The following CCNB2 variants were observed in gnomAD, a reference collection of about 807,000 sequenced individuals.
CCNB2 encodes cyclin B2.
Under a neutral mutation model 51.1 loss-of-function variants are expected in CCNB2, and 39 were observed. That is an observed-to-expected ratio of 0.76 (90% CI 0.59 to 1.00). CCNB2 has a LOEUF of 1.00. CCNB2 is among the 50% of genes least tolerant of loss of function. The probability of loss-of-function intolerance (pLI) is 0.00; values close to 1 mark genes in which losing one functional copy is unlikely to be tolerated. For synonymous variants in CCNB2, 174 were observed against 165.5 expected, an observed-to-expected ratio of 1.05 and a Z score of -0.40; for missense variants, 472 against 470.3, an observed-to-expected ratio of 1.00 and a Z score of -0.03.
chr15:59,106,165 A>T (rs754634717), intron 1 of CCNB2, among the ~76,000 whole-genome samples: 1 of 152,214 alleles, frequency 6.6e-6, no homozygotes, highest in Non-Finnish European at 1.5e-5. Flanking sequence ...AAATTGAGTC[A>T]CATTACCAGG....
chr15:59,114,401 TG>T, intron 3 of CCNB2, 42 bp from the exon 4 acceptor site: 1 of 1,472,254 alleles, frequency 6.8e-7, no homozygotes, highest in Non-Finnish European at 9.2e-7. Context: ...CATGTATTTA[TG>T]GTTAAGGCTG....
At chr15:59,123,223 T>A (rs1392254845) in intron 7 of CCNB2, among the ~76,000 whole-genome samples, 1 of 152,158 alleles carries the variant, frequency 6.6e-6, no homozygotes, top group African/African-American at 2.4e-5. Flanking sequence ...CCTTTCAGTG[T>A]TGTTACTTGA....
rs1168701009 is a variant in CCNB2 at position 59,116,722 on chromosome 15, AG to A, written c.631del (p.Val211LeufsTer42). On this transcript the variant is annotated frameshift_variant, in exon 6 of 9. Coordinates refer to ENST00000288207, the MANE Select transcript of CCNB2 (RefSeq NM_004701.4). LOFTEE classifies it high-confidence loss of function. ...CAGTTTCCCGGAAGAAGCTTCAATT[AG>A]TTGGGATTACTGCTCTGCTCTTGGC... Reference protein sequence around the residue: ...QPVSRKKLQLVGITALLLASK... With the variant: ...QPVSRKKLQLXGITALLLASK... The A allele has an allele frequency of 6.2e-7, 1 of 1,612,320 alleles. No individual in the cohort carries two copies. The highest frequency in any genetic ancestry group is 8.5e-7 in the Non-Finnish European group (1 of 1,179,772).
At chr15:59,120,009 A>G (rs1228113459) in intron 7 of CCNB2, among the ~76,000 whole-genome samples, 2 of 152,162 alleles carry the variant, frequency 1.3e-5, no homozygotes, top group Non-Finnish European at 1.5e-5. Flanking sequence ...TGCCTGGCCT[A>G]AGAGAGAAAA....
intron 3 of CCNB2, among the ~76,000 whole-genome samples, chr15:59,108,917 C>T (rs1172545952): frequency 2.0e-5 from 3 of 152,208 alleles, no homozygotes; most frequent in East Asian, 1.9e-4. Context: ...GTTTCTATAA[C>T]AGTGACCTCC....
At chr15:59,122,003 A>C (rs1374703423) in intron 7 of CCNB2, among the ~76,000 whole-genome samples, 1 of 145,110 alleles carries the variant, frequency 6.9e-6, no homozygotes, top group African/African-American at 2.6e-5. Context: ...CTATAGTTTC[A>C]GCTACTAGGG....
In CCNB2 at chr15:59,105,387, AC is replaced by A. The variant is rs1283453564; in HGVS notation, c.24+97del. On this transcript the variant is annotated intron_variant, in intron 1 of 8. Coordinates refer to ENST00000288207, the MANE Select transcript of CCNB2 (RefSeq NM_004701.4). ...ATCTGCTCCGAGCTTCTCCGTCCCAACCGGGGCTGCTTTTCTCTTCTCCGGA... is the reference window on the plus strand; with the variant it reads ...ATCTGCTCCGAGCTTCTCCGTCCCAACGGGGCTGCTTTTCTCTTCTCCGGA... 5.2e-5 allele frequency: 71 copies of A among 1,368,396 alleles called. No individual in the cohort carries two copies. The South Asian group carries it at 5.8e-4, about 11-fold the overall frequency. 84.8% of individuals were successfully genotyped at this position (1,368,396 alleles called of 1,614,324 possible).
chr15:59,114,080 C>G lies in CCNB2; in HGVS notation c.268-364C>G, dbSNP rs532695783. On this transcript the variant is annotated intron_variant, in intron 3 of 8. Transcript: ENST00000288207. ...GTAAAACTTGAAGTAAGGGAATTAC[C>G]CATATGGACATAGGGGCAAGAGCAT... Among the ~76,000 whole-genome samples, 77 of 152,176 alleles carry G rather than the reference C, an allele frequency of 5.1e-4. 1 individual carries two copies. Among genetic ancestry groups the G allele is most frequent in the African/African-American group, 1.8e-3 (74 of 41,518 alleles).
Position 59,116,863 on chromosome 15 carries a change from G to T in CCNB2, c.771G>T (p.Leu257Phe). 1 of 1,614,156 alleles carries T rather than the reference G, an allele frequency of 6.2e-7. No individual in the cohort carries two copies. Among genetic ancestry groups the T allele is most frequent in the Non-Finnish European group, 8.5e-7 (1 of 1,180,012 alleles). The part of the protein sequence containing the change: ...REMETLILKE[L>F]KFELGRPLPL... The stretch of plus-strand genomic sequence containing the variant: ...TGGAAACTCTAATTTTGAAAGAATT[G>T]AAATTTGAGTTGGGTCGACCCTTGC... The change falls in exon 6 of 9, where the codon TTG becomes TTT. Residue 257 changes from leucine (L) to phenylalanine (F), a missense_variant. Transcript: ENST00000288207.
intron 1 of CCNB2, 36 bp downstream of exon 1, chr15:59,105,328 C>A: frequency 6.5e-7 from 1 of 1,543,536 alleles, no homozygotes; most frequent in Non-Finnish European, 8.7e-7. Context: ...AGAGGCGAGT[C>A]CGTCGGCCCC....
Position 59,123,581 on chromosome 15 carries a change from T to C in CCNB2, c.1040T>C (p.Met347Thr). 6.2e-7 allele frequency: 1 copy of C among 1,612,440 alleles called. No homozygotes were observed. The highest frequency in any genetic ancestry group is 1.1e-5 in the South Asian group (1 of 91,052). ...GAAGTATTGGAAGTCATGCAGCACA[T>C]GGCCAAGAATGTGGTGAAAGTAAAT... ...ENEVLEVMQH[M>T]AKNVVKVNEN... is the part of the protein sequence containing the mutation. Residue 347 changes from methionine (M) to threonine (T), a missense_variant, in exon 8 of 9, where the codon ATG becomes ACG. By Grantham distance (81) the Met-to-Thr change is moderately conservative. Transcript: ENST00000288207.
intron 5 of CCNB2, chr15:59,115,494 A>G (rs1489787328): frequency 5.3e-5 from 8 of 152,214 alleles, no homozygotes; most frequent in Non-Finnish European, 1.0e-4. Flanking sequence ...ACCTGTTAGA[A>G]GAGACAGCAG....
chr15:59,118,027 T>A (rs1384093802), intron 7 of CCNB2, among the ~76,000 whole-genome samples: 2 of 152,000 alleles, frequency 1.3e-5, no homozygotes, highest in Non-Finnish European at 2.9e-5. Flanking sequence ...CAGTATAGAG[T>A]TGTACAGAAT....
At chr15:59,107,110 C>T (rs752404304) in intron 1 of CCNB2, among the ~76,000 whole-genome samples, 4 of 152,094 alleles carry the variant, frequency 2.6e-5, no homozygotes, top group African/African-American at 7.2e-5. Flanking sequence ...ATCTTTATTA[C>T]GGATAAAGTA....
At chr15:59,121,247 G>T (rs1352017274) in intron 7 of CCNB2, 1 of 152,124 alleles carries the variant, frequency 6.6e-6, no homozygotes, top group African/African-American at 2.4e-5. Context: ...GTTCATGATT[G>T]ATCAGTCTAC....
At chr15:59,122,582 C>T (rs780649340) in intron 7 of CCNB2, among the ~76,000 whole-genome samples, 2 of 149,086 alleles carry the variant, frequency 1.3e-5, no homozygotes, top group Non-Finnish European at 3.0e-5. Context: ...CTGTGTTGCC[C>T]AGGCTGGAGT....
Position 59,124,853 on chromosome 15 carries a change from C to T in CCNB2, c.1173C>T (p.Ala391=). The T allele has an allele frequency of 6.2e-7, 1 of 1,600,214 alleles. No individual in the cohort carries two copies. The change falls in exon 9 of 9, where the codon GCC becomes GCT. Residue 391 remains alanine (A), a synonymous_variant. Coordinates refer to ENST00000288207, the MANE Select transcript of CCNB2 (RefSeq NM_004701.4). ...QLNSKAVKDL[A]SPLIGRS is the part of the protein sequence containing the mutation. Reference sequence around the variant, plus strand: ...ACTCAAAAGCCGTCAAAGACCTTGCCTCCCCACTGATAGGAAGGTCCTAGG... The same window carrying T: ...ACTCAAAAGCCGTCAAAGACCTTGCTTCCCCACTGATAGGAAGGTCCTAGG...
Position 59,107,370 on chromosome 15 carries a change from A to G in CCNB2, c.73A>G (p.Lys25Glu). The change falls in exon 2 of 9, where the codon AAG (lysine) becomes GAG (glutamate). Residue 25 changes from lysine (K) to glutamate (E), a missense_variant. Transcript: ENST00000288207. ...TGACACAGGAGTTAATTCTAAAGTT[A>G]AGAGTCATGTGACTATTAGGCGAAC... ...NIDTGVNSKVKSHVTIRRTVL... is the reference protein window; with the variant it reads ...NIDTGVNSKVESHVTIRRTVL... 6.2e-7 allele frequency: 1 copy of G among 1,613,256 alleles called. No homozygotes were observed. Among genetic ancestry groups the G allele is most frequent in the Non-Finnish European group, 8.5e-7 (1 of 1,179,664 alleles).
intron 1 of CCNB2, among the ~76,000 whole-genome samples, chr15:59,105,699 TGGC>T (rs2079233043): frequency 6.6e-6 from 1 of 152,210 alleles, no homozygotes; most frequent in Admixed American, 6.5e-5. Flanking sequence ...GGACCTGTGA[TGGC>T]GGCTGGGAGG....
Sources: gnomAD v4.1 joint callset for allele counts (sites outside exome capture counted in the v4.1 genomes callset) on GRCh38, gnomAD v4.1.1 for gene constraint, MANE v1.5 for transcripts, NCBI Gene and HGNC (gene_info 2026-07-23, HGNC 2026-07-21) for gene names.